The following JMJD1C variants were observed in gnomAD, a reference collection of about 807,000 sequenced individuals.
JMJD1C encodes jumonji domain containing 1C.
Under a neutral mutation model 245.3 loss-of-function variants are expected in JMJD1C, and 31 were observed. The observed-to-expected ratio is 0.13, with a 90% CI of 0.09 to 0.17. The LOEUF (loss-of-function observed/expected upper bound fraction) is 0.17, where lower values mean the gene tolerates loss of function less well. Among genes scored for constraint, JMJD1C ranks in the 10% least tolerant of loss-of-function variants. The probability of loss-of-function intolerance (pLI) is 1.00; values close to 1 mark genes in which losing one functional copy is unlikely to be tolerated. For synonymous variants in JMJD1C, 1,057 were observed against 1,017.4 expected (o/e 1.04, Z -0.74); for missense variants, 2,691 against 3,000.2 (o/e 0.90, Z 2.41).
In JMJD1C at chr10:63,335,031, TA is replaced by T. The variant is rs71025159; in HGVS notation, c.333+45286del. Among the ~76,000 whole-genome samples the T allele has an allele frequency of 4.7e-4, 64 of 136,366 alleles. 1 individual carries two copies. The highest frequency in any genetic ancestry group is 1.2e-3 in the Admixed American group (16 of 13,164). 89.5% of individuals were successfully genotyped at this position (136,366 alleles called of 152,430 possible). ...CCAAGACTCTGTCTTTGGAAAAAAATAAAAAAAAAAAAAAATATTGTTCCTA... is the reference window on the plus strand; with the variant it reads ...CCAAGACTCTGTCTTTGGAAAAAAATAAAAAAAAAAAAAATATTGTTCCTA... On this transcript the variant is annotated intron_variant, in intron 2 of 25. Coordinates refer to ENST00000399262, the MANE Select transcript of JMJD1C (RefSeq NM_032776.3).
chr10:63,262,977 A>T (rs965012350), intron 3 of JMJD1C, among the ~76,000 whole-genome samples: 3 of 152,220 alleles, frequency 2.0e-5, no homozygotes, highest in African/African-American at 7.2e-5. Context: ...ACTTGGTTCC[A>T]AAAGTGCTAA....
At chr10:63,500,184 G>A (rs1392714529) in intron 1 of JMJD1C, among the ~76,000 whole-genome samples, 1 of 152,212 alleles carries the variant, frequency 6.6e-6, no homozygotes, top group Non-Finnish European at 1.5e-5. Context: ...CACTGTGGGA[G>A]GCCGAGGCGG....
intron 3 of JMJD1C, among the ~76,000 whole-genome samples, chr10:63,234,277 C>T (rs1161686070): frequency 6.6e-6 from 1 of 151,706 alleles, no homozygotes; most frequent in Admixed American, 6.6e-5. Context: ...AGGTGAAACG[C>T]TGAGCCCAGA....
intron 1 of JMJD1C, among the ~76,000 whole-genome samples, chr10:63,413,713 T>TTTTCCTTG (rs1949624737): frequency 1.3e-5 from 2 of 151,650 alleles, no homozygotes; most frequent in Non-Finnish European, 2.9e-5. Context: ...GCAAATATTT[T>TTTTCCTTG]AACTTTAGGA....
At position 63,208,309 on chromosome 10, in the gene JMJD1C, A is replaced by C. The variant is rs761596397; in HGVS notation, c.3360T>G (p.Asp1120Glu). 3 of 1,614,128 alleles carry C rather than the reference A, an allele frequency of 1.9e-6. No homozygotes were observed. Among genetic ancestry groups the C allele is most frequent in the African/African-American group, 1.3e-5 (1 of 75,044 alleles). The change falls in exon 10 of 26, where the codon GAT (aspartate) becomes GAG (glutamate). Residue 1120 changes from aspartate to glutamate, a missense_variant. Around this residue, in one of 9 missense-constraint regions of JMJD1C, gnomAD observed 1,562 missense variants for 1,490.7 expected, o/e 1.05. Coordinates refer to ENST00000399262, the MANE Select transcript of JMJD1C (RefSeq NM_032776.3). ...PSKEVSNIYGDKQSNALAAAA... is the reference protein window; with the variant it reads ...PSKEVSNIYGEKQSNALAAAA... ...CCGCTGCAAGGGCATTACTCTGTTT[A>C]TCACCGTAAATATTTGAAACTTCTT...
intron 2 of JMJD1C, among the ~76,000 whole-genome samples, chr10:63,359,277 T>C (rs900227237): frequency 2.6e-5 from 4 of 152,226 alleles, no homozygotes; most frequent in Non-Finnish European, 5.9e-5. Flanking sequence ...TCACAACTAT[T>C]TAACATTTTT....
chr10:63,317,188 A>G (rs936139690), intron 2 of JMJD1C, among the ~76,000 whole-genome samples: 3 of 151,920 alleles, frequency 2.0e-5, no homozygotes, highest in East Asian at 3.9e-4. Context: ...TGTGCTAGGA[A>G]CATTTAAGTC....
chr10:63,389,873 T>A (rs1947917012), intron 1 of JMJD1C, among the ~76,000 whole-genome samples: 1 of 152,070 alleles, frequency 6.6e-6, no homozygotes, highest in Non-Finnish European at 1.5e-5. Context: ...CATACCAAAA[T>A]CTAGAGAATA....
chr10:63,407,231 T>C (rs1949222223), intron 1 of JMJD1C, among the ~76,000 whole-genome samples: 1 of 152,174 alleles, frequency 6.6e-6, no homozygotes, highest in Non-Finnish European at 1.5e-5. Context: ...AAAAGGTTTA[T>C]TTCTTAGAAA....
Position 63,424,197 on chromosome 10 carries a change from T to C in JMJD1C, c.168+41298A>G, listed in dbSNP as rs377138866. 6.6e-5 allele frequency among the ~76,000 whole-genome samples: 10 copies of C among 151,446 alleles called. No homozygotes were observed. The East Asian group carries it at 1.4e-3, about 21-fold the overall frequency. ...GCACCTCAGCCTCCTGAGTAGCAGC[T>C]GGGACTACAGGTACAAATCACCATA... is the stretch of plus-strand genomic sequence containing the variant. On this transcript the variant is annotated intron_variant, in intron 1 of 25. Coordinates refer to ENST00000399262, the MANE Select transcript of JMJD1C (RefSeq NM_032776.3).
At chr10:63,474,262 T>C (rs866176338) in intron 1 of JMJD1C, among the ~76,000 whole-genome samples, 1 of 152,126 alleles carries the variant, frequency 6.6e-6, no homozygotes, top group Non-Finnish European at 1.5e-5. Flanking sequence ...GGAAAAAGTA[T>C]GTTAGATGCT....
chr10:63,393,433 T>C (rs78554895), intron 1 of JMJD1C, among the ~76,000 whole-genome samples: 5,640 of 152,298 alleles, frequency 0.037, 334 homozygotes, highest in East Asian at 0.29. Flanking sequence ...TCATATACTG[T>C]TGACGGGAAT....
intron 2 of JMJD1C, among the ~76,000 whole-genome samples, chr10:63,307,358 G>C (rs117199015): frequency 0.015 from 2,310 of 152,128 alleles, 29 homozygotes; most frequent in Non-Finnish European, 0.02. Flanking sequence ...AAAATAAGGC[G>C]GACAATTTAA....
intron 2 of JMJD1C, among the ~76,000 whole-genome samples, chr10:63,266,937 G>T (rs150563775): frequency 6.6e-6 from 1 of 152,004 alleles, no homozygotes; most frequent in African/African-American, 2.4e-5. Flanking sequence ...TCAACAAGCC[G>T]ACCAATGATT....
chr10:63,232,672 A>G (rs1263422782), intron 3 of JMJD1C, among the ~76,000 whole-genome samples: 2 of 152,172 alleles, frequency 1.3e-5, no homozygotes, highest in African/African-American at 4.8e-5. Flanking sequence ...ATTAATTACT[A>G]AGGAGGAAAT....
intron 1 of JMJD1C, among the ~76,000 whole-genome samples, chr10:63,416,377 T>A (rs1475636800): frequency 2.0e-5 from 3 of 151,642 alleles, no homozygotes; most frequent in Non-Finnish European, 2.9e-5. Context: ...CATTTAAAAG[T>A]CAGCTGAATT....
At chr10:63,432,104 G>T (rs943185655) in intron 1 of JMJD1C, among the ~76,000 whole-genome samples, 7 of 152,192 alleles carry the variant, frequency 4.6e-5, no homozygotes, top group Non-Finnish European at 8.8e-5. Flanking sequence ...CAGCCCAGTG[G>T]TTGGGTCCAG....
At chr10:63,447,998 A>G (rs753429997) in intron 1 of JMJD1C, among the ~76,000 whole-genome samples, 4 of 152,084 alleles carry the variant, frequency 2.6e-5, no homozygotes, top group African/African-American at 7.2e-5. Flanking sequence ...AAAGTCTAAT[A>G]AAGTATTGTG....
chr10:63,432,886 T>C (rs1242886516), intron 1 of JMJD1C, among the ~76,000 whole-genome samples: 1 of 152,170 alleles, frequency 6.6e-6, no homozygotes, highest in Non-Finnish European at 1.5e-5. Context: ...GCTATGAACA[T>C]TTCTTAATCT....
Sources: gnomAD v4.1 joint callset for allele counts (sites outside exome capture counted in the v4.1 genomes callset) on GRCh38, gnomAD v4.1.1 for gene constraint, gnomAD v4.1.1 regional missense constraint, MANE v1.5 for transcripts, NCBI Gene and HGNC (gene_info 2026-07-23, HGNC 2026-07-21) for gene names.